The following HPD variants were observed in gnomAD, a reference collection of about 807,000 sequenced individuals.
The protein encoded by HPD is 4-hydroxyphenylpyruvic acid oxidase.
Under a neutral mutation model 56.9 loss-of-function variants are expected in HPD, and 35 were observed. That is an observed-to-expected ratio of 0.62 (90% CI 0.47 to 0.82). The LOEUF (loss-of-function observed/expected upper bound fraction) is 0.82. Ranked by LOEUF, HPD falls within the 40% of genes least tolerant of loss-of-function variation. The pLI, the probability that HPD is intolerant of heterozygous loss-of-function variation, is 0.00. For missense variants in HPD, 442 were observed against 506.8 expected, an observed-to-expected ratio of 0.87 and a Z score of 1.23; for synonymous variants, 186 against 200.2, an observed-to-expected ratio of 0.93 and a Z score of 0.60.
At chr12:121,844,029 C>T (rs750155944) in intron 11 of HPD, among the ~76,000 whole-genome samples, 197 bp from the exon 12 acceptor site, 46 of 152,242 alleles carry the variant, frequency 3.0e-4, no homozygotes, top group Non-Finnish European at 6.0e-4. Flanking sequence ...ATAGAACACT[C>T]ACCATGTGCC....
In HPD at chr12:121,856,283, C is replaced by T. The variant is rs773374261; in HGVS notation, c.324+41G>A. On this transcript the variant is annotated intron_variant, in intron 6 of 13. Transcript: ENST00000289004. The stretch of plus-strand genomic sequence containing the variant: ...TGACTGATGGGGTCCCCATGGCAGA[C>T]GGAGGCCTTCCTCTCTCAGTCCACC... The T allele has an allele frequency of 2.4e-5, 36 of 1,526,998 alleles. 1 individual carries two copies. The highest frequency in any genetic ancestry group is 1.5e-4 in the South Asian group (13 of 89,414). The allele number at this position is 1,526,998 out of a possible 1,614,324, so 94.6% of individuals were successfully genotyped here. A position where few individuals can be genotyped will look rare whatever the true frequency, so the allele number is the denominator to read the frequency against.
At chr12:121,874,214 A>G in the HPD span, 3 of 152,174 alleles carry the variant, frequency 2.0e-5, no homozygotes, top group Admixed American at 6.6e-5. Flanking sequence ...TTGAGATTCA[A>G]GAAGAGGAAG....
chr12:121,846,911 C>T lies in HPD; in HGVS notation c.782G>A (p.Gly261Asp), dbSNP rs1247674354. 3 of 1,613,974 alleles carry T rather than the reference C, an allele frequency of 1.9e-6. No homozygotes were observed. Among genetic ancestry groups the T allele is most frequent in the African/African-American group, 2.7e-5 (2 of 74,904 alleles). ...QIQEYVDYNG[G>D]AGVQHIALKT... ...GAGAGCGATGTGCTGGACCCCAGCGCCCCCGTTATAGTCCACATATTCCTG... is the reference window on the plus strand; with the variant it reads ...GAGAGCGATGTGCTGGACCCCAGCGTCCCCGTTATAGTCCACATATTCCTG... Residue 261 changes from glycine to aspartate, a missense_variant, in exon 11 of 14, where the codon GGC becomes GAC. Gly to Asp is a moderately conservative substitution (Grantham distance 94, BLOSUM62 -1). Coordinates refer to ENST00000289004, the MANE Select transcript of HPD (RefSeq NM_002150.3).
the HPD span, among the ~76,000 whole-genome samples, chr12:121,880,593 G>A: frequency 6.6e-6 from 1 of 152,124 alleles, no homozygotes; most frequent in African/African-American, 2.4e-5. Context: ...TGAATGTAGA[G>A]TTTAATGCTC....
the HPD span, among the ~76,000 whole-genome samples, chr12:121,870,754 A>C: frequency 1.3e-5 from 2 of 151,488 alleles, no homozygotes; most frequent in African/African-American, 4.8e-5. Flanking sequence ...GTGCCACCAC[A>C]CCTGGCTAAT....
chr12:121,876,990 A>G, the HPD span, among the ~76,000 whole-genome samples: 1 of 150,954 alleles, frequency 6.6e-6, no homozygotes, highest in Admixed American at 6.7e-5. Context: ...GCTACAAGGG[A>G]GGCTGAGGCA....
chr12:121,876,540 G>T, the HPD span, among the ~76,000 whole-genome samples: 1 of 152,134 alleles, frequency 6.6e-6, no homozygotes, highest in Non-Finnish European at 1.5e-5. Flanking sequence ...CATCACGTCA[G>T]TAGCTCCATC....
rs1877611416 is a variant in HPD at position 121,847,079 on chromosome 12, C to T, written c.732G>A (p.Ala244=). Residue 244 remains alanine (A), a synonymous_variant, in exon 10 of 14, where the codon GCG becomes GCA. Coordinates refer to ENST00000289004, the MANE Select transcript of HPD (RefSeq NM_002150.3). ...ESIKMPINEP[A]PGKKKSQIQE... ...GGATCTGGGACTTCTTCTTGCCAGG[C>T]GCTGGCTCATTGATGGGCATCTTGA... The T allele has an allele frequency of 5.6e-6, 9 of 1,614,158 alleles. No individual in the cohort carries two copies. The highest frequency in any genetic ancestry group is 1.1e-5 in the South Asian group (1 of 91,086).
At chr12:121,870,595 G>GTT in the HPD span, among the ~76,000 whole-genome samples, 13,238 of 123,176 alleles carry the variant, frequency 0.11, 1,767 homozygotes, top group African/African-American at 0.31. Flanking sequence ...GCTATTGAAG[G>GTT]TTTTTTTTTT....
chr12:121,868,503 C>T (rs1210234230), upstream of HPD, among the ~76,000 whole-genome samples: 2 of 115,880 alleles, frequency 1.7e-5, no homozygotes, highest in African/African-American at 3.4e-5. Flanking sequence ...CTTTGCCTGT[C>T]TATTTCTTTC....
intron 7 of HPD, among the ~76,000 whole-genome samples, chr12:121,854,172 C>T (rs1877909799): frequency 6.6e-6 from 1 of 152,030 alleles, no homozygotes; most frequent in South Asian, 2.1e-4. Flanking sequence ...AGGAGAGTCA[C>T]TTGAACCTGG....
upstream of HPD, among the ~76,000 whole-genome samples, chr12:121,859,766 C>T (rs948694131): frequency 2.6e-5 from 4 of 152,220 alleles, no homozygotes; most frequent in South Asian, 8.3e-4. Flanking sequence ...TTTTCTGGGC[C>T]ATTCAGGAGG....
intron 7 of HPD, 60 bp from the exon 8 acceptor site, chr12:121,849,850 C>A: frequency 2.7e-6 from 3 of 1,121,876 alleles, no homozygotes; most frequent in Non-Finnish European, 4.1e-6. Flanking sequence ...GAGGACAGAG[C>A]ACATTTCATA....
chr12:121,858,409 T>C (rs577687944), intron 2 of HPD, among the ~76,000 whole-genome samples: 158 of 152,278 alleles, frequency 1.0e-3, no homozygotes, highest in Non-Finnish European at 1.9e-3. Flanking sequence ...GGTCTCGAAC[T>C]CCTGACCTCA....
In HPD at chr12:121,858,571, G is replaced by A. The variant is rs570762273; in HGVS notation, c.30+116C>T. 6.9e-5 allele frequency: 72 copies of A among 1,042,790 alleles called. 1 individual carries two copies. Among genetic ancestry groups the A allele is most frequent in the African/African-American group, 3.9e-4 (25 of 63,928 alleles). 64.6% of individuals were successfully genotyped at this position (1,042,790 alleles called of 1,614,324 possible). Reference sequence around the variant, plus strand: ...TAAAGCTGAGTGTGCAGGCATGCACGTCATGTATCCACTCCAGTCCTTCCT... The same window carrying A: ...TAAAGCTGAGTGTGCAGGCATGCACATCATGTATCCACTCCAGTCCTTCCT... On this transcript the variant is annotated intron_variant, in intron 2 of 13. Coordinates refer to ENST00000289004, the MANE Select transcript of HPD (RefSeq NM_002150.3).
At chr12:121,870,535 G>A in the HPD span, among the ~76,000 whole-genome samples, 1 of 151,262 alleles carries the variant, frequency 6.6e-6, no homozygotes, top group East Asian at 1.9e-4. Context: ...GGCAAGGATG[G>A]GTGATCTCAT....
chr12:121,869,646 T>C, the HPD span, among the ~76,000 whole-genome samples: 1 of 151,072 alleles, frequency 6.6e-6, no homozygotes, highest in Non-Finnish European at 1.5e-5. Context: ...TGCCTCAGCC[T>C]CCTGAGTAGC....
chr12:121,847,288 C>T, intron 9 of HPD, 74 bp from the exon 10 acceptor site: 1 of 1,398,408 alleles, frequency 7.2e-7, no homozygotes, highest in Middle Eastern at 2.0e-4. Context: ...TTTCCACCTT[C>T]CAGAATCTGT....
upstream of HPD, among the ~76,000 whole-genome samples, chr12:121,862,741 T>C (rs1267925978): frequency 8.1e-6 from 1 of 123,474 alleles, no homozygotes; most frequent in African/African-American, 3.2e-5. Context: ...AGTGCAATGG[T>C]GCAATCTCGG....
Sources: allele counts gnomAD v4.1 joint callset (sites outside exome capture counted in the v4.1 genomes callset), GRCh38; gene constraint gnomAD v4.1.1; transcripts MANE v1.5; gene names NCBI Gene and HGNC (gene_info 2026-07-23, HGNC 2026-07-21).